PPP5C: variants seen among roughly 807,000 people sequenced by gnomAD.
PPP5C encodes protein phosphatase 5 catalytic subunit.
PPP5C carries 21 observed loss-of-function variants against 66.7 expected under a neutral mutation model. The ratio of observed to expected loss-of-function variants is 0.31; its 90% CI spans 0.22 to 0.45. The LOEUF is 0.45. Among genes scored for constraint, PPP5C ranks in the 20% least tolerant of loss-of-function variants. The pLI is 1.00. For missense variants in PPP5C, 464 were observed against 675.9 expected (o/e 0.69, Z 3.48); for synonymous variants, 246 against 257.4 (o/e 0.96, Z 0.43).
intron 2 of PPP5C, among the ~76,000 whole-genome samples, chr19:46,354,761 C>T (rs1379991122): frequency 1.3e-5 from 2 of 151,932 alleles, no homozygotes; most frequent in Non-Finnish European, 2.9e-5. Context: ...CTCACCACTC[C>T]ACTCCAGCCT....
chr19:46,349,046 G>A (rs1972136593), intron 1 of PPP5C, among the ~76,000 whole-genome samples: 1 of 152,140 alleles, frequency 6.6e-6, no homozygotes, highest in Admixed American at 6.6e-5. Context: ...GGTTCTGAAG[G>A]GGAGTGGAGA....
intron 2 of PPP5C, among the ~76,000 whole-genome samples, 193 bp downstream of exon 2, chr19:46,354,182 C>A (rs1182609710): frequency 1.3e-5 from 2 of 152,246 alleles, no homozygotes; most frequent in Admixed American, 6.5e-5. Context: ...CATTTTGTGA[C>A]CCTGAGCCAG....
chr19:46,383,555 C>T lies in PPP5C; in HGVS notation c.699+79C>T, dbSNP rs904608442. ...GGGGAGGGGCCACAGAGCTCAGGAA[C>T]TCACGGATCCACCTCCCTCTCTCCC... On this transcript the variant is annotated intron_variant, in intron 5 of 12. Transcript: ENST00000012443. The surrounding 1 kb of genome is among the most constrained non-coding windows in gnomAD (Gnocchi z 5.0). 2.4e-5 allele frequency: 34 copies of T among 1,392,386 alleles called. No homozygotes were observed. The highest frequency in any genetic ancestry group is 3.1e-5 in the Non-Finnish European group (32 of 1,017,762). 86.3% of individuals were successfully genotyped at this position (1,392,386 alleles called of 1,614,324 possible). A position where few individuals can be genotyped will look rare whatever the true frequency, so the allele number is the denominator to read the frequency against.
At chr19:46,375,500 C>A in intron 2 of PPP5C, 104 bp from the exon 3 acceptor site, 1 of 1,487,804 alleles carries the variant, frequency 6.7e-7, no homozygotes, top group Non-Finnish European at 9.0e-7. Flanking sequence ...GGCGCCCAGG[C>A]GGTCTGACTT....
At chr19:46,387,780 A>G in intron 9 of PPP5C, 1 of 1,245,226 alleles carries the variant, frequency 8.0e-7, no homozygotes. Flanking sequence ...CACACTTCAG[A>G]GAGTTCACCC....
chr19:46,348,051 G>A (rs1972115948), intron 1 of PPP5C, among the ~76,000 whole-genome samples: 1 of 152,098 alleles, frequency 6.6e-6, no homozygotes, highest in Non-Finnish European at 1.5e-5. Context: ...AGGGTTGGAG[G>A]CTACTTTAGA....
rs1972179658 is a variant in PPP5C, at chr19:46,351,309, A to G, written c.122-2439A>G. Among the ~76,000 whole-genome samples, 3 of 152,194 alleles carry G rather than the reference A, an allele frequency of 2.0e-5. No individual in the cohort carries two copies. The South Asian group carries it at 6.2e-4, about 31-fold the overall frequency. On this transcript the variant is annotated intron_variant, in intron 1 of 12. Coordinates refer to ENST00000012443, the MANE Select transcript of PPP5C (RefSeq NM_006247.4). ...AAATATGGTCCTGTTTGTAAAGCGC[A>G]TAGAACAGGGCCAGGATATGGCATG...
chr19:46,382,969 C>T, intron 4 of PPP5C: 1 of 1,077,376 alleles, frequency 9.3e-7, no homozygotes, highest in Non-Finnish European at 1.1e-6. Context: ...TTAAAAAATT[C>T]AGCGTCCGTT....
Position 46,354,093 on chromosome 19 carries a change from C to T in PPP5C, c.363+104C>T. The T allele has an allele frequency of 2.0e-6, 3 of 1,465,120 alleles. No individual in the cohort carries two copies. In the South Asian group the frequency reaches 4.0e-5, roughly 20 times the overall value. The allele number at this position is 1,465,120 out of a possible 1,614,324, so 90.8% of individuals were successfully genotyped here. On this transcript the variant is annotated intron_variant, in intron 2 of 12. Transcript: ENST00000012443. The stretch of plus-strand genomic sequence containing the variant: ...GAGCCATTCACTCCTCTACTTACCA[C>T]TCAGCCAGCCAGCAAGTGCCTGTGG...
chr19:46,379,050 A>G (rs1036560673), intron 4 of PPP5C, among the ~76,000 whole-genome samples: 2 of 151,994 alleles, frequency 1.3e-5, no homozygotes, highest in Admixed American at 1.3e-4. Flanking sequence ...TACCCAACTA[A>G]TTTTTGTTTC....
At chr19:46,369,789 G>A (rs1972553832) in intron 2 of PPP5C, among the ~76,000 whole-genome samples, 1 of 151,912 alleles carries the variant, frequency 6.6e-6, no homozygotes, top group Non-Finnish European at 1.5e-5. Context: ...AGCCAGGCGT[G>A]GTGGCATGCT....
chr19:46,372,652 C>T (rs376427036), intron 2 of PPP5C, among the ~76,000 whole-genome samples: 2 of 152,180 alleles, frequency 1.3e-5, no homozygotes, highest in Non-Finnish European at 2.9e-5. Context: ...TACTCGCTGA[C>T]GAAGATAATG....
At chr19:46,373,867 C>T (rs1327005439) in intron 2 of PPP5C, among the ~76,000 whole-genome samples, 1 of 152,052 alleles carries the variant, frequency 6.6e-6, no homozygotes, top group Non-Finnish European at 1.5e-5. Flanking sequence ...GGGCTGAGAC[C>T]TGGAGGAGGA....
chr19:46,370,574 T>C (rs1423597259), intron 2 of PPP5C, among the ~76,000 whole-genome samples: 1 of 152,200 alleles, frequency 6.6e-6, no homozygotes, highest in African/African-American at 2.4e-5. Flanking sequence ...TGGCTTCTTT[T>C]TTCGTCATGG....
At chr19:46,369,267 G>A (rs1323390564) in intron 2 of PPP5C, among the ~76,000 whole-genome samples, 2 of 152,168 alleles carry the variant, frequency 1.3e-5, no homozygotes, top group African/African-American at 4.8e-5. Flanking sequence ...TAGGCTACAC[G>A]CCTGTACAGC....
intron 2 of PPP5C, 74 bp downstream of exon 2, chr19:46,354,063 G>T: frequency 1.3e-6 from 2 of 1,550,188 alleles, no homozygotes; most frequent in Middle Eastern, 2.3e-4. Context: ...GGGGACGGGT[G>T]TGAGGAGCCA....
intron 2 of PPP5C, among the ~76,000 whole-genome samples, chr19:46,364,230 A>C (rs1178733541): frequency 6.6e-6 from 1 of 152,190 alleles, no homozygotes; most frequent in East Asian, 1.9e-4. Flanking sequence ...ATGTGTGTGC[A>C]TACATATGTA....
At chr19:46,377,501 T>G (rs1435639713) in intron 4 of PPP5C, among the ~76,000 whole-genome samples, 1 of 152,246 alleles carries the variant, frequency 6.6e-6, no homozygotes, top group Non-Finnish European at 1.5e-5. Flanking sequence ...CATTCCTGGT[T>G]GTTTTTAATT....
At chr19:46,359,908 T>C (rs1188744854) in intron 2 of PPP5C, among the ~76,000 whole-genome samples, 1 of 151,488 alleles carries the variant, frequency 6.6e-6, no homozygotes, top group Non-Finnish European at 1.5e-5. Context: ...GCCTCCTGAG[T>C]AGCTGGGATT....
Sources: allele counts gnomAD v4.1 joint callset (sites outside exome capture counted in the v4.1 genomes callset), GRCh38; gene constraint gnomAD v4.1.1; non-coding constraint Gnocchi (gnomAD v3.1); transcripts MANE v1.5; gene names NCBI Gene and HGNC (gene_info 2026-07-23, HGNC 2026-07-21).